Variants in MN1 observed in about 807,000 individuals in gnomAD.
MN1 encodes transcriptional activator MN1.
A neutral mutation model predicts 86.9 loss-of-function variants in MN1; 19 were observed. The ratio of observed to expected loss-of-function variants is 0.22; its 90% CI spans 0.15 to 0.32. MN1 has a LOEUF of 0.32. Among genes scored for constraint, MN1 ranks in the 10% least tolerant of loss-of-function variants. The pLI is 1.00. For synonymous variants in MN1, 928 were observed against 849.6 expected (o/e 1.09, Z -1.60); for missense variants, 1,841 against 1,862.0 (o/e 0.99, Z 0.21).
Position 27,798,138 on chromosome 22 carries a change from C to T in MN1, c.2406G>A (p.Leu802=), listed in dbSNP as rs200701145. ...QPSQRTSASK[L]GALSLGSFNK... ...TGAAGGAGCCCAGCGAGAGCGCGCC[C>T]AATTTACTGGCCGAGGTGCGCTGGC... The change falls in exon 1 of 2, where the codon TTG becomes TTA. Residue 802 remains leucine (L), a synonymous_variant. Transcript: ENST00000302326. 173 of 1,602,268 alleles carry T rather than the reference C, an allele frequency of 1.1e-4. No homozygotes were observed. The highest frequency in any genetic ancestry group is 1.5e-4 in the Non-Finnish European group (172 of 1,177,100).
Position 27,798,011 on chromosome 22 carries a change from T to G in MN1, c.2533A>C (p.Asn845His). ...GGGTTCTTCTTGTTGAAGGTCACGT[T>G]GAGGTTGGGGGCCCCGAGGCTGGCG... ...MIASLGAPNL[N>H]VTFNKKNPPE... The change falls in exon 1 of 2, where the codon AAC becomes CAC. Residue 845 changes from asparagine (N) to histidine (H), a missense_variant. Coordinates refer to ENST00000302326, the MANE Select transcript of MN1 (RefSeq NM_002430.3). 6.2e-7 allele frequency: 1 copy of G among 1,602,856 alleles called. No homozygotes were observed. Among genetic ancestry groups the G allele is most frequent in the Non-Finnish European group, 8.5e-7 (1 of 1,176,198 alleles).
chr22:27,776,284 A>G (rs1429657532), intron 1 of MN1, among the ~76,000 whole-genome samples: 3 of 152,194 alleles, frequency 2.0e-5, no homozygotes, highest in African/African-American at 7.2e-5. Context: ...GGGGAGCTCA[A>G]TCCCGTCTCG....
rs781046162 is a variant in MN1 at position 27,799,323 on chromosome 22, G to A, written c.1221C>T (p.Phe407=). 2.5e-6 allele frequency: 4 copies of A among 1,593,370 alleles called. No homozygotes were observed. Among genetic ancestry groups the A allele is most frequent in the African/African-American group, 1.3e-5 (1 of 74,602 alleles). The change falls in exon 1 of 2, where the codon TTC becomes TTT. Residue 407 remains phenylalanine (F), a synonymous_variant. Coordinates refer to ENST00000302326, the MANE Select transcript of MN1 (RefSeq NM_002430.3). ...GPMLPSQHAQ[F]EYPIHRLENR... ...TCTCCAGCCGGTGGATGGGATACTCGAATTGCGCGTGCTGGCTGGGCAGCA... is the reference window on the plus strand; with the variant it reads ...TCTCCAGCCGGTGGATGGGATACTCAAATTGCGCGTGCTGGCTGGGCAGCA...
Position 27,750,384 on chromosome 22 carries a change from C to T in MN1, c.*531G>A, listed in dbSNP as rs992581004. 2 of 231,060 alleles carry T rather than the reference C, an allele frequency of 8.7e-6. No individual in the cohort carries two copies. Among genetic ancestry groups the T allele is most frequent in the Non-Finnish European group, 1.7e-5 (2 of 116,778 alleles). The allele number at this position is 231,060 out of a possible 1,614,324, so 14.3% of individuals were successfully genotyped here. A position where few individuals can be genotyped will look rare whatever the true frequency, so the allele number is the denominator to read the frequency against. On this transcript the variant is annotated 3_prime_UTR_variant, in exon 2 of 2. Coordinates refer to ENST00000302326, the MANE Select transcript of MN1 (RefSeq NM_002430.3). The stretch of plus-strand genomic sequence containing the variant: ...CATTGTGATGACAATTGGACTTTCA[C>T]CCGGCAATATTCCAGAACTACTATT...
At position 27,748,775 on chromosome 22, in the gene MN1, T is replaced by G. The variant is rs549450628; in HGVS notation, c.*2140A>C. On this transcript the variant is annotated 3_prime_UTR_variant, in exon 2 of 2. Coordinates refer to ENST00000302326, the MANE Select transcript of MN1 (RefSeq NM_002430.3). ...TGAGGTTGCCAGGACCATGAGCTAA[T>G]TGGCAAAGTGTTGATGACTCAACGC... 4.5e-6 allele frequency: 1 copy of G among 223,426 alleles called. No homozygotes were observed. The highest frequency in any genetic ancestry group is 9.0e-6 in the Non-Finnish European group (1 of 111,728). 13.8% of individuals were successfully genotyped at this position (223,426 alleles called of 1,614,324 possible).
intron 1 of MN1, among the ~76,000 whole-genome samples, chr22:27,774,868 G>A (rs1457584837): frequency 6.6e-6 from 1 of 152,120 alleles, no homozygotes; most frequent in Admixed American, 6.5e-5. Context: ...TAGACCCCCT[G>A]TCACCCTGAC....
intron 1 of MN1, among the ~76,000 whole-genome samples, chr22:27,777,877 CAAA>C (rs754050669): frequency 7.2e-6 from 1 of 139,462 alleles, no homozygotes; most frequent in African/African-American, 2.6e-5. Flanking sequence ...ACTGCATCTC[CAAA>C]AAAAAAAAAG....
chr22:27,759,490 G>A (rs184941107), intron 1 of MN1, among the ~76,000 whole-genome samples: 46 of 141,932 alleles, frequency 3.2e-4, no homozygotes, highest in African/African-American at 1.1e-3. Context: ...TCCCAGACAC[G>A]CATCAGCTTA....
intron 1 of MN1, among the ~76,000 whole-genome samples, chr22:27,764,479 C>T (rs1462268116): frequency 6.6e-6 from 1 of 152,154 alleles, no homozygotes; most frequent in African/African-American, 2.4e-5. Flanking sequence ...ACAAGGGGCT[C>T]CACCTGTGCC....
chr22:27,768,398 C>T (rs920180117), intron 1 of MN1, among the ~76,000 whole-genome samples: 1 of 152,194 alleles, frequency 6.6e-6, no homozygotes, highest in African/African-American at 2.4e-5. Flanking sequence ...AGAGCTCACC[C>T]ACCTGAGCAA....
At chr22:27,762,512 T>C (rs1932841426) in intron 1 of MN1, among the ~76,000 whole-genome samples, 1 of 152,162 alleles carries the variant, frequency 6.6e-6, no homozygotes, top group South Asian at 2.1e-4. Flanking sequence ...GGTAATAGTA[T>C]TACCATTAAG....
chr22:27,798,903 C>T lies in MN1; in HGVS notation c.1641G>A (p.Gln547=), dbSNP rs1933367951. 6.4e-7 allele frequency: 1 copy of T among 1,555,964 alleles called. No individual in the cohort carries two copies. The highest frequency in any genetic ancestry group is 1.4e-5 in the African/African-American group (1 of 73,132). ...GGGCCGCGTTTTGGCGCTGCTGCTGCTGCTGCTGTTGCTGTTGCTGTTGCT... is the reference window on the plus strand; with the variant it reads ...GGGCCGCGTTTTGGCGCTGCTGCTGTTGCTGCTGTTGCTGTTGCTGTTGCT... ...QQQQQQQQQQ[Q]QQQRQNAALM... is the part of the protein sequence containing the mutation. The change falls in exon 1 of 2, where the codon CAG becomes CAA. Residue 547 remains glutamine (Q), a synonymous_variant. Transcript: ENST00000302326.
At chr22:27,782,732 G>A (rs1933070668) in intron 1 of MN1, among the ~76,000 whole-genome samples, 2 of 152,198 alleles carry the variant, frequency 1.3e-5, no homozygotes, top group Non-Finnish European at 2.9e-5. Context: ...TAAGTAACCT[G>A]CCCAAGGACA....
In MN1 at chr22:27,798,319, C is replaced by T. The variant is rs1933345810; in HGVS notation, c.2225G>A (p.Gly742Asp). The change falls in exon 1 of 2, where the codon GGC (glycine) becomes GAC (aspartate). Residue 742 changes from glycine (G) to aspartate (D), a missense_variant. Transcript: ENST00000302326. The stretch of plus-strand genomic sequence containing the variant: ...TGCACCAAACGGAAAGCCCGGCTGG[C>T]CCCCGAGCGCAGACGTAGCAAAGTC... ...PPDFATSALG[G>D]QPGFPFGAAG... 1 of 1,518,422 alleles carries T rather than the reference C, an allele frequency of 6.6e-7. No homozygotes were observed. 94.1% of individuals were successfully genotyped at this position (1,518,422 alleles called of 1,614,324 possible). A position where few individuals can be genotyped will look rare whatever the true frequency, so the allele number is the denominator to read the frequency against.
In MN1 at chr22:27,800,725, C is replaced by T. The variant is rs1001324500; in HGVS notation, c.-182G>A. ...GACGGGGGGCGGGGTATTAGCTCCT[C>T]TCCTGAAGCTCCGATTCTGCCCGGG... On this transcript the variant is annotated 5_prime_UTR_variant, in exon 1 of 2. Coordinates refer to ENST00000302326, the MANE Select transcript of MN1 (RefSeq NM_002430.3). The T allele has an allele frequency of 1.9e-4, 127 of 673,928 alleles. 1 individual carries two copies. The highest frequency in any genetic ancestry group is 5.8e-4 in the East Asian group (21 of 36,350). 41.7% of individuals were successfully genotyped at this position (673,928 alleles called of 1,614,324 possible).
At position 27,798,627 on chromosome 22, in the gene MN1, G is replaced by A. The variant is rs1163937068; in HGVS notation, c.1917C>T (p.Pro639=). The A allele has an allele frequency of 1.9e-6, 3 of 1,561,680 alleles. No individual in the cohort carries two copies. The highest frequency in any genetic ancestry group is 2.7e-5 in the African/African-American group (2 of 73,716). ...CCATCCTACGGGGCAGCAGGTCTCC[G>A]GGCGGCGGATGCGGACCTGAGAACC... ...SAWFSGPHPP[P]GDLLPRRMGG... The change falls in exon 1 of 2, where the codon CCC becomes CCT. Residue 639 remains proline, a synonymous_variant. Transcript: ENST00000302326.
Position 27,798,657 on chromosome 22 carries a change from G to A in MN1, c.1887C>T (p.Ser629=). The change falls in exon 1 of 2, where the codon AGC becomes AGT. Residue 629 remains serine (S), a synonymous_variant. Coordinates refer to ENST00000302326, the MANE Select transcript of MN1 (RefSeq NM_002430.3). ...GCGGATGCGGACCTGAGAACCACGCGCTCTCTTGCGCCAAGTGCGGCGCCT... is the reference window on the plus strand; with the variant it reads ...GCGGATGCGGACCTGAGAACCACGCACTCTCTTGCGCCAAGTGCGGCGCCT... ...EQQAPHLAQE[S]AWFSGPHPPP... The A allele has an allele frequency of 1.3e-6, 2 of 1,553,412 alleles. No individual in the cohort carries two copies. The highest frequency in any genetic ancestry group is 1.9e-5 in the Admixed American group (1 of 53,438).
chr22:27,756,131 G>A (rs918854376), intron 1 of MN1, among the ~76,000 whole-genome samples: 4 of 152,248 alleles, frequency 2.6e-5, no homozygotes, highest in East Asian at 1.9e-4. Flanking sequence ...GGCTGGGCCC[G>A]GGGAGGGCTG....
rs536374258 is a variant in MN1, at chr22:27,797,647, G to A, written c.2897C>T (p.Pro966Leu). Residue 966 changes from proline (P) to leucine (L), a missense_variant, in exon 1 of 2, where the codon CCG becomes CTG. Pro to Leu is a moderately conservative substitution (Grantham distance 98). Coordinates refer to ENST00000302326, the MANE Select transcript of MN1 (RefSeq NM_002430.3). ...GTFFDKYSAA[P>L]DSGGAPGVSP... Reference sequence around the variant, plus strand: ...CACCCCAGGTGCGCCCCCGCTGTCCGGAGCCGCCGAGTACTTGTCAAAGAA... The same window carrying A: ...CACCCCAGGTGCGCCCCCGCTGTCCAGAGCCGCCGAGTACTTGTCAAAGAA... The A allele has an allele frequency of 1.3e-6, 2 of 1,598,614 alleles. No individual in the cohort carries two copies. The highest frequency in any genetic ancestry group is 1.3e-5 in the African/African-American group (1 of 74,518).
Sources: allele counts gnomAD v4.1 joint callset (sites outside exome capture counted in the v4.1 genomes callset), GRCh38; gene constraint gnomAD v4.1.1; transcripts MANE v1.5; gene names NCBI Gene and HGNC (gene_info 2026-07-23, HGNC 2026-07-21).